ATP2B2: variants seen among roughly 807,000 people sequenced by gnomAD.
ATP2B2 encodes the protein plasma membrane calcium-transporting ATPase 2.
In ATP2B2, 15 loss-of-function variants were observed where a neutral mutation model predicts 120.0. The ratio of observed to expected loss-of-function variants is 0.12; its 90% CI spans 0.08 to 0.19. The LOEUF is 0.19. Among genes scored for constraint, ATP2B2 ranks in the 10% least tolerant of loss-of-function variants. ATP2B2 has a pLI of 1.00. For synonymous variants in ATP2B2, 694 were observed against 700.3 expected, an observed-to-expected ratio of 0.99 and a Z score of 0.14; for missense variants, 1,045 against 1,719.8, an observed-to-expected ratio of 0.61 and a Z score of 6.94.
chr3:10,355,435 C>A (rs907532917), intron 14 of ATP2B2, among the ~76,000 whole-genome samples: 4 of 152,136 alleles, frequency 2.6e-5, no homozygotes, highest in African/African-American at 9.7e-5. Context: ...GATGCCCTGA[C>A]TGAAGGAAGT....
At chr3:10,371,753 C>T in intron 12 of ATP2B2, 56 bp downstream of exon 12, 1 of 1,613,634 alleles carries the variant, frequency 6.2e-7, no homozygotes, top group Non-Finnish European at 8.5e-7. Flanking sequence ...CCCAGTACCT[C>T]TGTACCATCC....
intron 1 of ATP2B2, among the ~76,000 whole-genome samples, chr3:10,672,471 G>C (rs772305926): frequency 6.6e-6 from 1 of 152,202 alleles, no homozygotes; most frequent in Non-Finnish European, 1.5e-5. Context: ...TTGTCTTCTA[G>C]TTCCTGCTCT....
At chr3:10,450,872 T>C (rs1412038163) in intron 1 of ATP2B2, among the ~76,000 whole-genome samples, 1 of 152,104 alleles carries the variant, frequency 6.6e-6, no homozygotes, top group Non-Finnish European at 1.5e-5. Context: ...CAGCAAGCGT[T>C]GGGTGACAAA....
chr3:10,333,320 C>T (rs1381392940), intron 22 of ATP2B2, among the ~76,000 whole-genome samples: 3 of 151,984 alleles, frequency 2.0e-5, no homozygotes, highest in Non-Finnish European at 4.4e-5. Context: ...TGGTGGGGTG[C>T]GGTGGGGGTG....
chr3:10,504,842 C>A (rs987770643), intron 1 of ATP2B2, among the ~76,000 whole-genome samples: 3 of 152,136 alleles, frequency 2.0e-5, no homozygotes, highest in African/African-American at 4.8e-5. Flanking sequence ...ATGGCCTGGC[C>A]ACCCGTTCCT....
chr3:10,340,947 C>A lies in ATP2B2; in HGVS notation c.2918-243G>T, dbSNP rs1347125131. On this transcript the variant is annotated intron_variant, in intron 19 of 22. Transcript: ENST00000360273. This position sits in a 1 kb window ranked among gnomAD's most constrained non-coding sequence, Gnocchi z 5.0. ...CTTGGGCAACTGTCTTCCACTTTTT[C>A]TGTGGAAACCCGATAAAGGTGGACG... Among the ~76,000 whole-genome samples the A allele has an allele frequency of 6.6e-6, 1 of 152,158 alleles. No homozygotes were observed. Among genetic ancestry groups the A allele is most frequent in the African/African-American group, 2.4e-5 (1 of 41,420 alleles).
chr3:10,673,638 A>G (rs2071170765), intron 1 of ATP2B2, among the ~76,000 whole-genome samples: 1 of 151,836 alleles, frequency 6.6e-6, no homozygotes. Context: ...CGTCTCTACC[A>G]AAAATAGAAA....
chr3:10,356,652 G>A (rs1156321466), intron 14 of ATP2B2, among the ~76,000 whole-genome samples: 1 of 152,240 alleles, frequency 6.6e-6, no homozygotes, highest in Admixed American at 6.5e-5. Flanking sequence ...GGGGGAGGCT[G>A]TGGGGTTGGG....
intron 1 of ATP2B2, among the ~76,000 whole-genome samples, chr3:10,622,185 G>A (rs2069570637): frequency 6.6e-6 from 1 of 152,186 alleles, no homozygotes; most frequent in Non-Finnish European, 1.5e-5. Context: ...CCTGTAGACT[G>A]TAGTGTCATC....
Position 10,371,486 on chromosome 3 carries a change from C to T in ATP2B2, c.1659+323G>A, listed in dbSNP as rs145516850. 1.3e-3 allele frequency among the ~76,000 whole-genome samples: 192 copies of T among 152,320 alleles called. 1 individual carries two copies. Among genetic ancestry groups the T allele is most frequent in the African/African-American group, 4.4e-3 (181 of 41,584 alleles). ...TTGAGTGAAATACACAGGTTTGTTT[C>T]AAGCCACTAAGTTTTGGAGTAGTTT... On this transcript the variant is annotated intron_variant, in intron 12 of 22. Coordinates refer to ENST00000360273, the MANE Select transcript of ATP2B2 (RefSeq NM_001001331.4).
At chr3:10,508,944 T>C (rs1203793319), upstream of ATP2B2, among the ~76,000 whole-genome samples, 1 of 151,976 alleles carries the variant, frequency 6.6e-6, no homozygotes, top group Non-Finnish European at 1.5e-5. Flanking sequence ...GTATGAGACA[T>C]AGGGGAGGGG....
At chr3:10,602,333 C>T (rs979954325) in intron 2 of ATP2B2, among the ~76,000 whole-genome samples, 1 of 152,200 alleles carries the variant, frequency 6.6e-6, no homozygotes, top group Non-Finnish European at 1.5e-5. Context: ...TCTAAGATGA[C>T]GGCTGGCCCT....
At chr3:10,466,147 T>C (rs1186729304) in intron 1 of ATP2B2, among the ~76,000 whole-genome samples, 1 of 152,224 alleles carries the variant, frequency 6.6e-6, no homozygotes, top group Non-Finnish European at 1.5e-5. Flanking sequence ...TTGTCCAGGA[T>C]AGTCTGTGTC....
At chr3:10,414,312 A>G (rs1375865187) in intron 2 of ATP2B2, among the ~76,000 whole-genome samples, 6 of 152,194 alleles carry the variant, frequency 3.9e-5, no homozygotes, top group Non-Finnish European at 7.3e-5. Flanking sequence ...AAGTCAGGCC[A>G]TATCATGCTG....
intron 12 of ATP2B2, among the ~76,000 whole-genome samples, chr3:10,367,442 G>A (rs986356985): frequency 1.3e-5 from 2 of 152,072 alleles, no homozygotes; most frequent in African/African-American, 2.4e-5. Flanking sequence ...GATGTTGAGG[G>A]TCAAGAAAGA....
At chr3:10,374,944 T>G (rs559591633) in intron 11 of ATP2B2, among the ~76,000 whole-genome samples, 95 of 152,382 alleles carry the variant, frequency 6.2e-4, no homozygotes, top group African/African-American at 2.2e-3. Flanking sequence ...TGATGAGTTT[T>G]ACAAGCGCTA....
intron 2 of ATP2B2, among the ~76,000 whole-genome samples, chr3:10,422,179 A>C (rs2063002845): frequency 6.6e-6 from 1 of 152,110 alleles, no homozygotes; most frequent in African/African-American, 2.4e-5. Flanking sequence ...TGGGGACTAG[A>C]GATGGGGATG....
At chr3:10,333,885 T>C (rs1221157035) in intron 22 of ATP2B2, among the ~76,000 whole-genome samples, 2 of 152,286 alleles carry the variant, frequency 1.3e-5, no homozygotes, top group South Asian at 4.1e-4. Flanking sequence ...TGTTCCAAAG[T>C]TGGGGTAACC....
At chr3:10,692,079 T>C (rs1055942914) in intron 1 of ATP2B2, among the ~76,000 whole-genome samples, 2 of 152,196 alleles carry the variant, frequency 1.3e-5, no homozygotes, top group African/African-American at 2.4e-5. Flanking sequence ...CGAATTATAT[T>C]AAATCAGAGA....
Sources: allele counts gnomAD v4.1 joint callset (sites outside exome capture counted in the v4.1 genomes callset), GRCh38; gene constraint gnomAD v4.1.1; non-coding constraint Gnocchi (gnomAD v3.1); transcripts MANE v1.5; gene names NCBI Gene and HGNC (gene_info 2026-07-23, HGNC 2026-07-21).